OR51B5: variants seen among roughly 807,000 people sequenced by gnomAD.
OR51B5 encodes olfactory receptor 51B5.
For missense variants in OR51B5, 456 were observed against 374.6 expected, an observed-to-expected ratio of 1.22 and a Z score of -1.79; for synonymous variants, 186 against 144.8, an observed-to-expected ratio of 1.28 and a Z score of -2.04.
At chr11:5,468,761 T>C (rs961434171) in intron 1 of OR51B5, 4 of 456,226 alleles carry the variant, frequency 8.8e-6, no homozygotes, top group African/African-American at 4.0e-5. Flanking sequence ...AATGAGCACA[T>C]AGGAGAGGAG....
At chr11:5,398,992 T>A (rs374348480) in intron 1 of OR51B5, among the ~76,000 whole-genome samples, 1 of 152,156 alleles carries the variant, frequency 6.6e-6, no homozygotes, top group Non-Finnish European at 1.5e-5. Context: ...CCCAACCCCA[T>A]GTCACAGTGT....
intron 1 of OR51B5, among the ~76,000 whole-genome samples, chr11:5,456,831 T>C (rs1009661114): frequency 6.6e-6 from 1 of 152,162 alleles, no homozygotes; most frequent in Non-Finnish European, 1.5e-5. Flanking sequence ...ATGCATAGTT[T>C]AGAACCATCT....
rs537927120 is a variant in OR51B5 at position 5,470,733 on chromosome 11, C to G, written n.84+34836G>C. ...GAAGTCATTCTTAATATTTCTCACC[C>G]TCTCCTATTTACAAGTCTATTAATC... On this transcript the variant is annotated intron_variant and non_coding_transcript_variant, in intron 1 of 4. Transcript: ENST00000415970. Among the ~76,000 whole-genome samples the G allele has an allele frequency of 4.6e-5, 7 of 152,306 alleles. No individual in the cohort carries two copies. In the South Asian group the frequency reaches 1.2e-3, roughly 27 times the overall value.
intron 1 of OR51B5, among the ~76,000 whole-genome samples, chr11:5,438,034 G>A (rs187265164): frequency 6.6e-6 from 1 of 152,218 alleles, no homozygotes; most frequent in Non-Finnish European, 1.5e-5. Flanking sequence ...TTATAGGATT[G>A]GTTGGATCAA....
intron 1 of OR51B5, chr11:5,453,650 C>T (rs1850893183): frequency 1.2e-6 from 2 of 1,613,214 alleles, no homozygotes; most frequent in East Asian, 2.2e-5. Flanking sequence ...TGGAGCCCAG[C>T]CTCCATGAGC....
chr11:5,357,233 C>T (rs1020505199), intron 1 of OR51B5, among the ~76,000 whole-genome samples: 3 of 152,048 alleles, frequency 2.0e-5, no homozygotes, highest in Non-Finnish European at 4.4e-5. Context: ...GGAAACCCAT[C>T]TCATGTGCAC....
intron 1 of OR51B5, among the ~76,000 whole-genome samples, chr11:5,478,731 C>T (rs1240248948): frequency 4.0e-5 from 6 of 151,050 alleles, no homozygotes; most frequent in East Asian, 1.9e-4. Flanking sequence ...CCTCAGGAGC[C>T]GATGCGATCA....
At chr11:5,343,108 T>C in exon 1 of OR51B5, 1 of 1,613,320 alleles carries the variant, frequency 6.2e-7, no homozygotes, top group Non-Finnish European at 8.5e-7. Flanking sequence ...CAATCTTCAC[T>C]ACTCGAGTAT....
rs372645770 is a variant in OR51B5, at chr11:5,343,187, A to G, written c.338T>C (p.Leu113Pro). 5.4e-5 allele frequency: 87 copies of G among 1,613,780 alleles called. No individual in the cohort carries two copies. Among genetic ancestry groups the G allele is most frequent in the Admixed American group, 1.0e-4 (6 of 59,994 alleles). ...AAAACGGTCATAGGCCATGGCAAGC[A>G]GAATGCCAGACTCGAGAAAGGAAAG... Residue 113 changes from leucine (L) to proline (P), a missense_variant, in exon 1 of 1, where the codon CTG (leucine) becomes CCG (proline). Coordinates refer to ENST00000300773, the Ensembl canonical transcript of OR51B5.
At chr11:5,474,027 T>G (rs1851268544) in intron 1 of OR51B5, among the ~76,000 whole-genome samples, 1 of 152,120 alleles carries the variant, frequency 6.6e-6, no homozygotes, top group Admixed American at 6.6e-5. Flanking sequence ...GACACCCTTA[T>G]AGGAAACAAT....
chr11:5,474,609 C>G (rs1230123952), intron 1 of OR51B5, among the ~76,000 whole-genome samples: 1 of 152,126 alleles, frequency 6.6e-6, no homozygotes, highest in Non-Finnish European at 1.5e-5. Flanking sequence ...GAAATATAAT[C>G]ATGATATGTT....
rs1271916311 is a variant in OR51B5 at position 5,390,565 on chromosome 11, G to C, written n.85-43655C>G. On this transcript the variant is annotated intron_variant and non_coding_transcript_variant, in intron 1 of 4. Transcript: ENST00000415970. ...GAACTTCTCTTGCTTAGATTTTAAT[G>C]GCTCCTCCTACAGCTGAGAACTGGC... The C allele has an allele frequency of 3.1e-5, 18 of 579,258 alleles. No individual in the cohort carries two copies. The South Asian group carries it at 4.5e-4, about 15-fold the overall frequency. The allele number at this position is 579,258 out of a possible 1,614,324, so 35.9% of individuals were successfully genotyped here.
At chr11:5,485,372 T>A (rs1851484368) in intron 1 of OR51B5, among the ~76,000 whole-genome samples, 1 of 152,222 alleles carries the variant, frequency 6.6e-6, no homozygotes, top group African/African-American at 2.4e-5. Context: ...GATGTATCTT[T>A]CCCACAAAAA....
intron 1 of OR51B5, among the ~76,000 whole-genome samples, chr11:5,436,492 C>T (rs562957551): frequency 1.3e-5 from 2 of 152,302 alleles, no homozygotes; most frequent in Admixed American, 6.5e-5. Flanking sequence ...GTCTGTGGAT[C>T]TGTGTGGGAC....
intron 1 of OR51B5, among the ~76,000 whole-genome samples, chr11:5,490,628 T>C (rs1851567176): frequency 6.6e-6 from 1 of 152,200 alleles, no homozygotes; most frequent in Admixed American, 6.6e-5. Flanking sequence ...GAGATGATTG[T>C]TGTTATTTGC....
At chr11:5,386,038 G>C (rs1310570199) in intron 1 of OR51B5, among the ~76,000 whole-genome samples, 1 of 151,732 alleles carries the variant, frequency 6.6e-6, no homozygotes, top group African/African-American at 2.4e-5. Flanking sequence ...TACTACGTGA[G>C]AACAGAGAAA....
At chr11:5,422,117 T>C in intron 1 of OR51B5, 1 of 1,095,396 alleles carries the variant, frequency 9.1e-7, no homozygotes, top group Non-Finnish European at 1.3e-6. Context: ...GAATTTGGAT[T>C]AAATGGGGCA....
chr11:5,470,009 A>C (rs1407618237), intron 1 of OR51B5, among the ~76,000 whole-genome samples: 6 of 152,152 alleles, frequency 3.9e-5, no homozygotes, highest in Non-Finnish European at 4.4e-5. Context: ...ACATTCCTCC[A>C]CACCTGACTC....
intron 1 of OR51B5, among the ~76,000 whole-genome samples, chr11:5,448,058 T>C (rs1370496413): frequency 2.0e-5 from 3 of 152,240 alleles, no homozygotes; most frequent in African/African-American, 4.8e-5. Context: ...GCCAAATTCC[T>C]ACCTTTGTTC....
Sources: allele counts gnomAD v4.1 joint callset (sites outside exome capture counted in the v4.1 genomes callset), GRCh38; gene constraint gnomAD v4.1.1; transcripts MANE v1.5; gene names NCBI Gene and HGNC (gene_info 2026-07-23, HGNC 2026-07-21).